Variants in SCN3A observed in about 807,000 individuals in gnomAD.
The protein encoded by SCN3A is sodium voltage-gated channel alpha subunit 3, also known as sodium channel protein type 3 subunit alpha.
Under a neutral mutation model 187.6 loss-of-function variants are expected in SCN3A, and 60 were observed. That is an observed-to-expected ratio of 0.32 (90% CI 0.26 to 0.40). SCN3A has a LOEUF of 0.40. SCN3A is among the 10% of genes least tolerant of loss of function. The pLI, the probability that SCN3A is intolerant of heterozygous loss-of-function variation, is 1.00. For synonymous variants in SCN3A, 788 were observed against 829.2 expected (o/e 0.95, Z 0.85); for missense variants, 1,601 against 2,428.2 (o/e 0.66, Z 7.16).
intron 16 of SCN3A, 162 bp from the exon 17 acceptor site, chr2:165,130,458 A>G: frequency 1.4e-6 from 1 of 702,548 alleles, no homozygotes; most frequent in South Asian, 1.9e-5. Context: ...TGTTAACAAT[A>G]TTAGAATTGT....
intron 1 of SCN3A, among the ~76,000 whole-genome samples, chr2:165,191,288 T>TA (rs1170993157): frequency 6.6e-6 from 1 of 152,032 alleles, no homozygotes; most frequent in Admixed American, 6.6e-5. Flanking sequence ...CTGACTCCCA[T>TA]ATAGCCTGTT....
At chr2:165,097,173 C>G (rs1425552234) in intron 23 of SCN3A, 79 bp downstream of exon 23, 1 of 1,548,114 alleles carries the variant, frequency 6.5e-7, no homozygotes, top group East Asian at 2.2e-5. Flanking sequence ...GTTAGTCATT[C>G]AAACGAAGAA....
chr2:165,114,916 T>A (rs948869586), intron 19 of SCN3A, among the ~76,000 whole-genome samples: 2 of 152,206 alleles, frequency 1.3e-5, no homozygotes, highest in African/African-American at 4.8e-5. Context: ...TATCAGATCA[T>A]TTTAACTGTC....
intron 2 of SCN3A, among the ~76,000 whole-genome samples, chr2:165,185,570 C>G (rs1691178511): frequency 6.6e-6 from 1 of 152,130 alleles, no homozygotes; most frequent in South Asian, 2.1e-4. Context: ...GAAGAGATGC[C>G]AATCTGAGAG....
At position 165,089,811 on chromosome 2, in the gene SCN3A, T is replaced by A; in HGVS notation, c.*339A>T. ...TGTAAAAATATGGCAGATATGGAAG[T>A]TAAAAATAGAATGGATGCAAGGACT... On this transcript the variant is annotated 3_prime_UTR_variant, in exon 28 of 28. Transcript: ENST00000283254. 4.6e-6 allele frequency: 1 copy of A among 215,594 alleles called. No homozygotes were observed. Among genetic ancestry groups the A allele is most frequent in the South Asian group, 1.0e-4 (1 of 9,764 alleles). The allele number at this position is 215,594 out of a possible 1,614,324, so 13.4% of individuals were successfully genotyped here.
chr2:165,128,124 TC>T lies in SCN3A; in HGVS notation c.2923-24del, dbSNP rs113038155. On this transcript the variant is annotated intron_variant, in intron 17 of 27. Transcript: ENST00000283254. ...AACCTAAAAGAAAAAAAGAAAAATG[TC>T]TATTTTAATATTGAAATATGCATTT... is the stretch of plus-strand genomic sequence containing the variant. 1.9e-3 allele frequency: 2,864 copies of T among 1,547,360 alleles called. 42 individuals are homozygous for T. The African/African-American group carries it at 0.035, about 19-fold the overall frequency.
intron 21 of SCN3A, among the ~76,000 whole-genome samples, chr2:165,107,556 A>G (rs1449846885): frequency 2.0e-5 from 3 of 152,232 alleles, no homozygotes; most frequent in Non-Finnish European, 4.4e-5. Flanking sequence ...TGCTAGATAA[A>G]ATTCAAGGCA....
intron 1 of SCN3A, 99 bp from the exon 2 acceptor site, chr2:165,186,846 A>C (rs1191066744): frequency 6.6e-6 from 1 of 150,462 alleles, no homozygotes; most frequent in African/African-American, 2.4e-5. Flanking sequence ...TTTTTTTTTT[A>C]TGGCCCTGGA....
intron 12 of SCN3A, among the ~76,000 whole-genome samples, chr2:165,143,562 GAAAAT>G (rs2105821155): frequency 6.6e-6 from 1 of 152,262 alleles, no homozygotes. Flanking sequence ...AGCATTCAGA[GAAAAT>G]AAACCAAAAA....
chr2:165,114,755 A>C (rs1027957651), intron 19 of SCN3A, among the ~76,000 whole-genome samples: 1 of 151,904 alleles, frequency 6.6e-6, no homozygotes, highest in Admixed American at 6.6e-5. Flanking sequence ...AAGGGAGGGA[A>C]TGTAATTACT....
At chr2:165,118,830 T>C (rs1383155104) in intron 18 of SCN3A, among the ~76,000 whole-genome samples, 1 of 151,882 alleles carries the variant, frequency 6.6e-6, no homozygotes, top group Non-Finnish European at 1.5e-5. Flanking sequence ...TGGCGCAGTC[T>C]CGGCTCACTG....
At chr2:165,129,901 T>C (rs757097399) in intron 17 of SCN3A, 39 bp downstream of exon 17, 3 of 1,612,790 alleles carry the variant, frequency 1.9e-6, no homozygotes, top group Admixed American at 1.7e-5. Context: ...TACTGTCTGC[T>C]CTTGTTCTAA....
At chr2:165,184,303 C>A (rs1434204993) in intron 2 of SCN3A, among the ~76,000 whole-genome samples, 1 of 151,866 alleles carries the variant, frequency 6.6e-6, no homozygotes, top group African/African-American at 2.4e-5. Context: ...AAACAAAATT[C>A]TATTGAATGA....
chr2:165,157,234 T>C (rs769732830), intron 9 of SCN3A, among the ~76,000 whole-genome samples: 21 of 152,154 alleles, frequency 1.4e-4, no homozygotes, highest in Non-Finnish European at 2.1e-4. Context: ...TAATGTCCTT[T>C]TTTTGTTCCA....
intron 11 of SCN3A, among the ~76,000 whole-genome samples, chr2:165,147,763 A>G (rs1353300416): frequency 6.6e-6 from 1 of 152,196 alleles, no homozygotes; most frequent in East Asian, 1.9e-4. Context: ...TTTTCTTTCT[A>G]TATTGCAGCA....
Position 165,089,900 on chromosome 2 carries a change from A to G in SCN3A, c.*250T>C. The G allele has an allele frequency of 1.9e-6, 1 of 516,374 alleles. No individual in the cohort carries two copies. The highest frequency in any genetic ancestry group is 3.5e-5 in the East Asian group (1 of 28,822). The allele number at this position is 516,374 out of a possible 1,614,324, so 32.0% of individuals were successfully genotyped here. A position where few individuals can be genotyped will look rare whatever the true frequency, so the allele number is the denominator to read the frequency against. On this transcript the variant is annotated 3_prime_UTR_variant, in exon 28 of 28. Coordinates refer to ENST00000283254, the MANE Select transcript of SCN3A (RefSeq NM_006922.4). ...GCACAACTATCCCTATAGTCTAGGT[A>G]GCCATTGGGTTTCTCCTCAGCAGTG...
chr2:165,124,193 G>GA (rs1686857477), intron 18 of SCN3A, among the ~76,000 whole-genome samples: 2 of 151,912 alleles, frequency 1.3e-5, no homozygotes, highest in Admixed American at 1.3e-4. Flanking sequence ...GTTCAGGTAA[G>GA]AAATGTTTTC....
intron 2 of SCN3A, among the ~76,000 whole-genome samples, chr2:165,185,807 G>A (rs1167950279): frequency 6.6e-6 from 1 of 152,068 alleles, no homozygotes; most frequent in East Asian, 1.9e-4. Flanking sequence ...CAATTCAGAA[G>A]CCAGCTCACA....
intron 15 of SCN3A, among the ~76,000 whole-genome samples, chr2:165,133,443 T>C (rs1346022023): frequency 6.6e-6 from 1 of 152,066 alleles, no homozygotes. Flanking sequence ...CTTCAAGTGA[T>C]TCTCCAGTCT....
Sources: allele counts gnomAD v4.1 joint callset (sites outside exome capture counted in the v4.1 genomes callset), GRCh38; gene constraint gnomAD v4.1.1; transcripts MANE v1.5; gene names NCBI Gene and HGNC (gene_info 2026-07-23, HGNC 2026-07-21).